C11orf65: variants seen among roughly 807,000 people sequenced by gnomAD.
C11orf65 encodes the protein chromosome 11 open reading frame 65.
In C11orf65, 38 loss-of-function variants were observed where a neutral mutation model predicts 35.3. The observed-to-expected ratio is 1.08, with a 90% CI of 0.83 to 1.41. The LOEUF (loss-of-function observed/expected upper bound fraction) is 1.41. Ranked by LOEUF, C11orf65 falls within the 40% of genes most tolerant of loss-of-function variation. The probability of loss-of-function intolerance (pLI) is 0.00; values close to 1 mark genes in which losing one functional copy is unlikely to be tolerated. For synonymous variants in C11orf65, 105 were observed against 114.4 expected (o/e 0.92, Z 0.53); for missense variants, 370 against 367.1 (o/e 1.01, Z -0.06).
chr11:108,420,813 C>T (rs2092805151), intron 3 of C11orf65, among the ~76,000 whole-genome samples: 1 of 152,052 alleles, frequency 6.6e-6, no homozygotes, highest in Admixed American at 6.6e-5. Context: ...TGGGGTCTCA[C>T]TATGTTGCCC....
chr11:108,332,679 GT>G, intron 3 of C11orf65: 1 of 1,434,648 alleles, frequency 7.0e-7, no homozygotes, highest in South Asian at 1.2e-5. Flanking sequence ...CATAAATTCT[GT>G]TTTTCTCTTT....
intron 3 of C11orf65, among the ~76,000 whole-genome samples, chr11:108,424,534 G>A (rs936050556): frequency 1.3e-5 from 2 of 152,046 alleles, no homozygotes; most frequent in African/African-American, 4.8e-5. Context: ...GACCTACAAG[G>A]AGACTTAGAC....
intron 2 of C11orf65, among the ~76,000 whole-genome samples, chr11:108,438,097 C>CAT (rs2093092655): frequency 6.6e-6 from 1 of 152,172 alleles, no homozygotes; most frequent in South Asian, 2.1e-4. Context: ...CAAATAGACT[C>CAT]ATATATATGT....
At chr11:108,343,136 T>G in intron 2 of C11orf65, 1 of 1,551,122 alleles carries the variant, frequency 6.4e-7, no homozygotes, top group South Asian at 1.1e-5. Context: ...AAAAAAATGC[T>G]TTGCACTGAC....
chr11:108,365,729 T>G (rs2091277266), intron 2 of C11orf65: 1 of 636,308 alleles, frequency 1.6e-6, no homozygotes, highest in Non-Finnish European at 2.6e-6. Flanking sequence ...TAATGGTCAT[T>G]CGGGCTGGGC....
At chr11:108,462,986 G>C (rs1037830069) in intron 1 of C11orf65, among the ~76,000 whole-genome samples, 1 of 152,058 alleles carries the variant, frequency 6.6e-6, no homozygotes. Flanking sequence ...AAAAAGCTGG[G>C]CAGGTTGGCA....
At chr11:108,432,385 T>C (rs1429721557) in intron 2 of C11orf65, among the ~76,000 whole-genome samples, 2 of 152,220 alleles carry the variant, frequency 1.3e-5, no homozygotes, top group Non-Finnish European at 2.9e-5. Flanking sequence ...ATATTAGCCA[T>C]TGTTACCATT....
intron 3 of C11orf65, among the ~76,000 whole-genome samples, chr11:108,414,355 A>C (rs1439563318): frequency 6.6e-6 from 1 of 152,014 alleles, no homozygotes; most frequent in Non-Finnish European, 1.5e-5. Context: ...TGAAGGAAAA[A>C]AAAAGAAACA....
chr11:108,378,072 A>C (rs1027961636), downstream of C11orf65, among the ~76,000 whole-genome samples: 1 of 151,918 alleles, frequency 6.6e-6, no homozygotes, highest in Non-Finnish European at 1.5e-5. Flanking sequence ...TAATTTATAG[A>C]TTCAATGCCA....
intron 3 of C11orf65, among the ~76,000 whole-genome samples, chr11:108,428,021 G>GT (rs1313438874): frequency 0.018 from 1 of 56 alleles, no homozygotes; most frequent in East Asian, 0.25. Flanking sequence ...TAGTAGAGAC[G>GT]GGTTTCACCG....
intron 6 of C11orf65, among the ~76,000 whole-genome samples, chr11:108,394,803 T>C (rs1156899391): frequency 6.6e-6 from 1 of 152,210 alleles, no homozygotes; most frequent in Admixed American, 6.5e-5. Flanking sequence ...CTAAATAACC[T>C]AGCCTTTCTG....
chr11:108,376,365 C>A (rs577438687), intron 2 of C11orf65, among the ~76,000 whole-genome samples: 83 of 152,298 alleles, frequency 5.4e-4, no homozygotes, highest in African/African-American at 2.0e-3. Context: ...ACTGAACAAC[C>A]TGCTCCTGAA....
upstream of C11orf65, among the ~76,000 whole-genome samples, chr11:108,469,467 G>C (rs867719094): frequency 2.0e-4 from 31 of 151,370 alleles, no homozygotes; most frequent in African/African-American, 7.3e-4. Flanking sequence ...TTAGGTTGGT[G>C]CAAAAGTAAT....
At chr11:108,358,505 A>G (rs994275262) in intron 2 of C11orf65, among the ~76,000 whole-genome samples, 2 of 148,738 alleles carry the variant, frequency 1.3e-5, no homozygotes, top group African/African-American at 5.0e-5. Flanking sequence ...AGATTCACCA[A>G]AGTTGAAATG....
intron 2 of C11orf65, among the ~76,000 whole-genome samples, chr11:108,372,002 T>C (rs2091587406): frequency 6.6e-6 from 1 of 152,210 alleles, no homozygotes; most frequent in Admixed American, 6.5e-5. Flanking sequence ...TTCTAAGTTT[T>C]AGAAACAAAA....
At chr11:108,427,721 C>CAAAAAAA (rs1176005299) in intron 3 of C11orf65, among the ~76,000 whole-genome samples, 2 of 40,742 alleles carry the variant, frequency 4.9e-5, no homozygotes, top group African/African-American at 9.4e-5. Flanking sequence ...AACTCCGCCT[C>CAAAAAAA]AAAAAAAAAA....
intron 2 of C11orf65, chr11:108,355,000 G>A: frequency 1.2e-6 from 1 of 813,698 alleles, no homozygotes; most frequent in Non-Finnish European, 2.1e-6. Context: ...CTGGGCAGCA[G>A]AAAGGAGGAG....
chr11:108,356,979 T>G (rs762418945), intron 2 of C11orf65, among the ~76,000 whole-genome samples: 5 of 151,988 alleles, frequency 3.3e-5, no homozygotes, highest in Non-Finnish European at 5.9e-5. Context: ...GGTATACAGC[T>G]CCCAGCGTGA....
At chr11:108,375,070 A>G (rs2091685508) in intron 2 of C11orf65, among the ~76,000 whole-genome samples, 1 of 152,216 alleles carries the variant, frequency 6.6e-6, no homozygotes, top group African/African-American at 2.4e-5. Flanking sequence ...TCTGCAGGAT[A>G]TTATCCAGGA....
Sources: allele counts gnomAD v4.1 joint callset (sites outside exome capture counted in the v4.1 genomes callset), GRCh38; gene constraint gnomAD v4.1.1; transcripts MANE v1.5; gene names NCBI Gene and HGNC (gene_info 2026-07-23, HGNC 2026-07-21).